Variants in SBF2 observed in about 807,000 individuals in gnomAD.
SBF2 encodes SET binding factor 2.
A neutral mutation model predicts 225.2 loss-of-function variants in SBF2; 112 were observed. The observed-to-expected ratio is 0.50, with a 90% confidence interval of 0.43 to 0.58. The LOEUF (loss-of-function observed/expected upper bound fraction) is 0.58. Ranked by LOEUF, SBF2 falls within the 20% of genes least tolerant of loss-of-function variation. The pLI is 0.00. For missense variants in SBF2, 1,996 were observed against 2,206.2 expected (o/e 0.90, Z 1.91); for synonymous variants, 763 against 773.3 (o/e 0.99, Z 0.22).
At chr11:9,894,642 C>T (rs1343290595) in intron 17 of SBF2, among the ~76,000 whole-genome samples, 1 of 151,852 alleles carries the variant, frequency 6.6e-6, no homozygotes, top group African/African-American at 2.4e-5. Flanking sequence ...TAAGATTGTG[C>T]CACTGCACTA....
intron 1 of SBF2, among the ~76,000 whole-genome samples, chr11:10,290,109 A>G (rs1208551383): frequency 6.6e-6 from 1 of 152,172 alleles, no homozygotes; most frequent in African/African-American, 2.4e-5. Flanking sequence ...TACAATTTAT[A>G]CAAGCTTCTG....
At chr11:10,029,109 T>C (rs1406295317) in intron 5 of SBF2, among the ~76,000 whole-genome samples, 1 of 152,178 alleles carries the variant, frequency 6.6e-6, no homozygotes, top group Admixed American at 6.5e-5. Context: ...TAGAAGGCTG[T>C]CCTCTTTCCC....
chr11:10,266,032 A>AT (rs1021849081), intron 1 of SBF2, among the ~76,000 whole-genome samples: 1 of 151,864 alleles, frequency 6.6e-6, no homozygotes, highest in Admixed American at 6.6e-5. Flanking sequence ...CCAACCTGCC[A>AT]TTTTTTTTAG....
intron 16 of SBF2, among the ~76,000 whole-genome samples, chr11:9,923,245 C>T (rs2134231664): frequency 6.6e-6 from 1 of 152,252 alleles, no homozygotes; most frequent in African/African-American, 2.4e-5. Context: ...AGATCTCTCC[C>T]TTGTTAATTG....
At chr11:10,181,140 A>T (rs1956719823) in intron 2 of SBF2, among the ~76,000 whole-genome samples, 1 of 152,056 alleles carries the variant, frequency 6.6e-6, no homozygotes, top group South Asian at 2.1e-4. Flanking sequence ...TTAGTCTATT[A>T]ATTTTTTAAG....
At chr11:9,842,207 C>G (rs956178448) in intron 25 of SBF2, among the ~76,000 whole-genome samples, 1 of 152,110 alleles carries the variant, frequency 6.6e-6, no homozygotes, top group African/African-American at 2.4e-5. Context: ...CTTAGGTCCC[C>G]CATTTTGATT....
At chr11:9,913,678 T>TAAAAC (rs1214045861) in intron 16 of SBF2, among the ~76,000 whole-genome samples, 153 of 151,242 alleles carry the variant, frequency 1.0e-3, no homozygotes, top group African/African-American at 3.6e-3. Flanking sequence ...TAAAATAAAA[T>TAAAAC]AAAATAGCTG....
chr11:10,234,898 G>GC (rs1271163545), intron 1 of SBF2, among the ~76,000 whole-genome samples: 1 of 152,152 alleles, frequency 6.6e-6, no homozygotes, highest in African/African-American at 2.4e-5. Context: ...TGGCCAGGTG[G>GC]TACAGTATCT....
intron 2 of SBF2, among the ~76,000 whole-genome samples, chr11:10,161,420 C>T (rs1017422424): frequency 3.9e-5 from 6 of 152,068 alleles, no homozygotes; most frequent in Non-Finnish European, 8.8e-5. Flanking sequence ...CAAGAGAAAC[C>T]AATTTTAATT....
chr11:10,046,856 T>G (rs1420394267), intron 2 of SBF2, among the ~76,000 whole-genome samples: 2 of 139,466 alleles, frequency 1.4e-5, no homozygotes, highest in Non-Finnish European at 3.1e-5. Context: ...GACATGATTG[T>G]GTAAACAGAT....
chr11:10,134,785 C>T (rs1410306527), intron 2 of SBF2, among the ~76,000 whole-genome samples: 2 of 152,176 alleles, frequency 1.3e-5, no homozygotes, highest in African/African-American at 4.8e-5. Flanking sequence ...GGTATAGCCT[C>T]CCTCCTGGCT....
chr11:9,870,187 G>C (rs943855101), intron 17 of SBF2, among the ~76,000 whole-genome samples: 1 of 151,938 alleles, frequency 6.6e-6, no homozygotes, highest in Non-Finnish European at 1.5e-5. Context: ...ACAAACCACA[G>C]GTCAAAAAAA....
At position 9,858,230 on chromosome 11, in the gene SBF2, T is replaced by G; in HGVS notation, c.2096A>C (p.Gln699Pro). 1 of 1,614,172 alleles carries G rather than the reference T, an allele frequency of 6.2e-7. No individual in the cohort carries two copies. The highest frequency in any genetic ancestry group is 8.5e-7 in the Non-Finnish European group (1 of 1,179,992). ...KEDNHAPHLK[Q>P]KDKLPDDHYQ... ...AGTTCTTTTCTTCTCTCTTACCTTT[T>G]GCTTCAGATGCGGGGCATGATTGTC... is the stretch of plus-strand genomic sequence containing the variant. The change falls in exon 18 of 40, where the codon CAA (glutamine) becomes CCA (proline). Residue 699 changes from glutamine (Q) to proline (P), a missense_variant. Gln to Pro is a moderately conservative substitution (Grantham distance 76). Transcript: ENST00000256190.
At chr11:9,994,741 A>C (rs887481917) in intron 9 of SBF2, among the ~76,000 whole-genome samples, 10 of 151,848 alleles carry the variant, frequency 6.6e-5, no homozygotes, top group Non-Finnish European at 1.3e-4. Context: ...TGTAATTAAA[A>C]ATTACTGAGG....
chr11:10,098,684 C>T (rs1053753249), intron 2 of SBF2, among the ~76,000 whole-genome samples: 2 of 86,654 alleles, frequency 2.3e-5, no homozygotes, highest in Non-Finnish European at 4.8e-5. Context: ...AAAATGCACA[C>T]ACACACACAC....
intron 16 of SBF2, among the ~76,000 whole-genome samples, chr11:9,947,937 A>G (rs925560964): frequency 6.6e-6 from 1 of 152,212 alleles, no homozygotes; most frequent in East Asian, 1.9e-4. Flanking sequence ...TTTTGGCTGT[A>G]TACTCAGAAT....
At chr11:9,965,930 T>C (rs1866879089) in intron 14 of SBF2, among the ~76,000 whole-genome samples, 3 of 152,200 alleles carry the variant, frequency 2.0e-5, no homozygotes, top group Non-Finnish European at 4.4e-5. Context: ...AATCTATCTA[T>C]ATTAGAATAG....
chr11:10,092,421 T>C (rs1298704091), intron 2 of SBF2, among the ~76,000 whole-genome samples: 1 of 152,232 alleles, frequency 6.6e-6, no homozygotes, highest in Non-Finnish European at 1.5e-5. Context: ...TTGCAGCTTA[T>C]GTATGGCTGT....
intron 2 of SBF2, among the ~76,000 whole-genome samples, chr11:10,045,207 G>A (rs545376443): frequency 8.1e-5 from 12 of 148,796 alleles, no homozygotes; most frequent in South Asian, 4.2e-4. Context: ...CTGCTCTGTC[G>A]CCCAGGCTGG....
Sources: gnomAD v4.1 joint callset for allele counts (sites outside exome capture counted in the v4.1 genomes callset) on GRCh38, gnomAD v4.1.1 for gene constraint, MANE v1.5 for transcripts, NCBI Gene and HGNC (gene_info 2026-07-23, HGNC 2026-07-21) for gene names.